CD160: variants seen among roughly 807,000 people sequenced by gnomAD.
The protein encoded by CD160 is CD160 antigen.
A neutral mutation model predicts 19.2 loss-of-function variants in CD160; 11 were observed. The observed-to-expected ratio is 0.57, with a 90% CI of 0.36 to 0.95. The LOEUF is 0.95. Among genes scored for constraint, CD160 ranks in the 40% least tolerant of loss-of-function variants. The pLI, the probability that CD160 is intolerant of heterozygous loss-of-function variation, is 0.01. For missense variants in CD160, 182 were observed against 213.2 expected (o/e 0.85, Z 0.91); for synonymous variants, 75 against 81.1 (o/e 0.93, Z 0.40).
At chr1:145,737,709 C>T (rs192026786) in intron 5 of CD160, 1 of 146,874 alleles carries the variant, frequency 6.8e-6, no homozygotes, top group East Asian at 2.0e-4. Context: ...GCCATACAAC[C>T]TACTACTAGT....
chr1:145,726,600 A>G (rs587726284), intron 2 of CD160, among the ~76,000 whole-genome samples: 21 of 152,244 alleles, frequency 1.4e-4, no homozygotes, highest in East Asian at 1.2e-3. Flanking sequence ...GGCCCGGGGG[A>G]GGGATAGCAT....
intron 1 of CD160, among the ~76,000 whole-genome samples, chr1:145,722,931 C>T (rs189289456): frequency 1.3e-5 from 2 of 152,322 alleles, no homozygotes; most frequent in Admixed American, 6.5e-5. Context: ...TGAACACAAA[C>T]ACTCTGGCTC....
intron 1 of CD160, among the ~76,000 whole-genome samples, chr1:145,721,297 G>A (rs781919066): frequency 2.0e-5 from 3 of 152,182 alleles, no homozygotes; most frequent in Non-Finnish European, 4.4e-5. Flanking sequence ...GGCAGGTAGG[G>A]GGTCACTCGG....
At chr1:145,731,222 CA>C in intron 4 of CD160, 152 bp downstream of exon 4, 1 of 685,978 alleles carries the variant, frequency 1.5e-6, no homozygotes, top group Admixed American at 2.3e-5. Context: ...TGCCTTTCTT[CA>C]AAGCGCACAC....
intron 1 of CD160, among the ~76,000 whole-genome samples, chr1:145,724,460 CTAATAT>C (rs1404503661): frequency 6.6e-6 from 1 of 152,100 alleles, no homozygotes; most frequent in African/African-American, 2.4e-5. Context: ...TGCCTTGCTC[CTAATAT>C]TAATAGAAAT....
chr1:145,735,911 T>G, intron 4 of CD160, 86 bp from the exon 5 acceptor site: 1 of 928,848 alleles, frequency 1.1e-6, no homozygotes, highest in South Asian at 1.6e-5. Context: ...TTGGAGATCA[T>G]AAAAGAGATG....
chr1:145,729,432 A>G (rs1479046905), intron 3 of CD160, among the ~76,000 whole-genome samples: 5 of 152,170 alleles, frequency 3.3e-5, no homozygotes, highest in Non-Finnish European at 7.4e-5. Context: ...AGAGAGCTGG[A>G]TTTAACCGAG....
rs140033267 is a variant in CD160, at chr1:145,736,023, T to C, written c.427T>C (p.Leu143=). The C allele has an allele frequency of 5.5e-5, 89 of 1,613,664 alleles. No homozygotes were observed. The highest frequency in any genetic ancestry group is 3.0e-4 in the Admixed American group (18 of 60,008). Residue 143 remains leucine (L), a synonymous_variant, in exon 5 of 6, where the codon TTG becomes CTG. Transcript: ENST00000369288. Reference sequence around the variant, plus strand: ...GACAGGGAACTACACAGTGACGGGATTGAAACAAAGACAACACCTTGAGTT... The same window carrying C: ...GACAGGGAACTACACAGTGACGGGACTGAAACAAAGACAACACCTTGAGTT... ...TETGNYTVTG[L]KQRQHLEFSH...
chr1:145,722,255 C>T (rs1656879928), intron 1 of CD160, among the ~76,000 whole-genome samples: 1 of 152,182 alleles, frequency 6.6e-6, no homozygotes, highest in Non-Finnish European at 1.5e-5. Context: ...AAGTAATTTA[C>T]ATAGGTGACC....
At chr1:145,725,535 A>C (rs1443707787) in intron 2 of CD160, among the ~76,000 whole-genome samples, 3 of 152,206 alleles carry the variant, frequency 2.0e-5, no homozygotes, top group Non-Finnish European at 4.4e-5. Context: ...TAGGAAATCT[A>C]TTAATGTAGA....
chr1:145,720,402 C>T (rs1656783366), intron 1 of CD160, among the ~76,000 whole-genome samples: 1 of 152,180 alleles, frequency 6.6e-6, no homozygotes, highest in Non-Finnish European at 1.5e-5. Context: ...TGTCAGGCAC[C>T]TGCTTTGGTG....
At position 145,735,914 on chromosome 1, in the gene CD160, AAG is replaced by A. The variant is rs1657466151; in HGVS notation, c.401-79_401-78del. On this transcript the variant is annotated intron_variant, in intron 4 of 5. Coordinates refer to ENST00000369288, the MANE Select transcript of CD160 (RefSeq NM_007053.4). ...AGGGAGGAATCCTTGGAGATCATAA[AAG>A]AGATGTTATGAGATGATGCAAAAGG... 6 of 936,696 alleles carry A rather than the reference AAG, an allele frequency of 6.4e-6. No homozygotes were observed. The East Asian group carries it at 1.4e-4, about 23-fold the overall frequency. The allele number at this position is 936,696 out of a possible 1,614,324, so 58.0% of individuals were successfully genotyped here.
At chr1:145,723,247 C>A (rs961219518) in intron 1 of CD160, among the ~76,000 whole-genome samples, 2 of 152,086 alleles carry the variant, frequency 1.3e-5, no homozygotes, top group Non-Finnish European at 2.9e-5. Flanking sequence ...TAACAATCGT[C>A]TCTACTTAGA....
intron 1 of CD160, among the ~76,000 whole-genome samples, chr1:145,720,344 G>A (rs1656780361): frequency 6.6e-6 from 1 of 152,066 alleles, no homozygotes; most frequent in Non-Finnish European, 1.5e-5. Context: ...TCTGAGAAGG[G>A]ACTCCATATG....
intron 1 of CD160, among the ~76,000 whole-genome samples, chr1:145,721,552 C>G (rs1423292091): frequency 6.6e-6 from 1 of 152,088 alleles, no homozygotes; most frequent in African/African-American, 2.4e-5. Context: ...GCGGAGTGAC[C>G]AGCTGCATCA....
intron 2 of CD160, among the ~76,000 whole-genome samples, chr1:145,726,830 T>C (rs1657069941): frequency 6.6e-6 from 1 of 152,204 alleles, no homozygotes; most frequent in South Asian, 2.1e-4. Context: ...GAGGACTTTA[T>C]GAAGAAAACT....
At chr1:145,736,491 C>T (rs1657500735) in intron 5 of CD160, 2 of 364,526 alleles carry the variant, frequency 5.5e-6, no homozygotes, top group Non-Finnish European at 1.0e-5. Flanking sequence ...AAGAGACAGA[C>T]TTGGTTTGGA....
chr1:145,729,059 A>G (rs1553708779), intron 3 of CD160, among the ~76,000 whole-genome samples: 1 of 152,194 alleles, frequency 6.6e-6, no homozygotes, highest in African/African-American at 2.4e-5. Flanking sequence ...CCTGCCCTCT[A>G]TGGCTATACT....
intron 4 of CD160, among the ~76,000 whole-genome samples, chr1:145,732,398 C>A (rs1231292391): frequency 3.9e-5 from 6 of 151,986 alleles, no homozygotes; most frequent in Non-Finnish European, 7.4e-5. Flanking sequence ...CAAGGAAGTT[C>A]TAGGCTGGAC....
Sources: gnomAD v4.1 joint callset for allele counts (sites outside exome capture counted in the v4.1 genomes callset) on GRCh38, gnomAD v4.1.1 for gene constraint, MANE v1.5 for transcripts, NCBI Gene and HGNC (gene_info 2026-07-23, HGNC 2026-07-21) for gene names.